Variants in CCAR2 observed in about 807,000 individuals in gnomAD.
CCAR2 encodes cell cycle and apoptosis regulator protein 2.
Under a neutral mutation model 108.1 loss-of-function variants are expected in CCAR2, and 21 were observed. That is an observed-to-expected ratio of 0.19 (90% CI 0.14 to 0.28). CCAR2 has a LOEUF of 0.28. Among genes scored for constraint, CCAR2 ranks in the 10% least tolerant of loss-of-function variants. The pLI is 1.00. For missense variants in CCAR2, 1,126 were observed against 1,177.0 expected (o/e 0.96, Z 0.63); for synonymous variants, 577 against 472.8 (o/e 1.22, Z -2.86).
Position 22,619,832 on chromosome 8 carries a change from C to T in CCAR2, c.*150C>T. 1.3e-6 allele frequency: 1 copy of T among 784,624 alleles called. No individual in the cohort carries two copies. The highest frequency in any genetic ancestry group is 1.6e-5 in the South Asian group (1 of 62,130). 48.6% of individuals were successfully genotyped at this position (784,624 alleles called of 1,614,324 possible). On this transcript the variant is annotated 3_prime_UTR_variant, in exon 21 of 21. Transcript: ENST00000308511. ...TGCTCAGCCTCTAGGGGACGGCAGG[C>T]CATCAGGCTGGGGGCTGTGCTATGT...
intron 7 of CCAR2, among the ~76,000 whole-genome samples, chr8:22,608,595 C>T (rs775807026): frequency 2.0e-5 from 3 of 152,160 alleles, no homozygotes; most frequent in Non-Finnish European, 4.4e-5. Flanking sequence ...GCAAGCATGG[C>T]TGATTTGGGC....
intron 7 of CCAR2, among the ~76,000 whole-genome samples, chr8:22,608,983 T>G (rs1217752255): frequency 6.6e-6 from 1 of 152,238 alleles, no homozygotes; most frequent in African/African-American, 2.4e-5. Flanking sequence ...CTTATGTAGA[T>G]TGAAATGCAC....
chr8:22,610,413 C>T (rs1022911432), intron 7 of CCAR2, among the ~76,000 whole-genome samples: 1 of 152,214 alleles, frequency 6.6e-6, no homozygotes, highest in Admixed American at 6.5e-5. Context: ...TCTGCTGCTG[C>T]AAGTCCTGAG....
chr8:22,619,551 G>A, intron 20 of CCAR2, 87 bp from the exon 21 acceptor site: 12 of 1,478,806 alleles, frequency 8.1e-6, no homozygotes, highest in Non-Finnish European at 1.0e-5. Flanking sequence ...TGCAGTGGGA[G>A]CTTCCCAGCA....
intron 7 of CCAR2, among the ~76,000 whole-genome samples, chr8:22,610,857 T>G (rs771642115): frequency 6.6e-6 from 1 of 152,220 alleles, no homozygotes; most frequent in African/African-American, 2.4e-5. Context: ...TCATGTGACA[T>G]GGGGGGTTTT....
chr8:22,617,781 G>A lies in CCAR2; in HGVS notation c.2073+3G>A, dbSNP rs150239673. 7.4e-6 allele frequency: 12 copies of A among 1,613,250 alleles called. No homozygotes were observed. In the African/African-American group the frequency reaches 1.5e-4, roughly 20 times the overall value. The stretch of plus-strand genomic sequence containing the variant: ...AGTTCTCTTCACTTCAGGACATGGT[G>A]AGGCCTCTTCTCGACCACTCTGGGT... On this transcript the variant is annotated splice_donor_region_variant and intron_variant, in intron 16 of 20. Coordinates refer to ENST00000308511, the MANE Select transcript of CCAR2 (RefSeq NM_001393997.1).
rs560267333 is a variant in CCAR2 at position 22,608,349 on chromosome 8, T to C, written c.584+284T>C. Among the ~76,000 whole-genome samples, 14 of 152,362 alleles carry C rather than the reference T, an allele frequency of 9.2e-5. No homozygotes were observed. The South Asian group carries it at 2.7e-3, about 29-fold the overall frequency. On this transcript the variant is annotated intron_variant, in intron 7 of 20. Coordinates refer to ENST00000308511, the MANE Select transcript of CCAR2 (RefSeq NM_001393997.1). ...CTTTCAAAATGTCATGTTGAGATAC[T>C]TCTTAAATACTCTTCTGTTTCTAGT...
At position 22,614,824 on chromosome 8, in the gene CCAR2, A is replaced by ATCTCT. The variant is rs1801433776; in HGVS notation, c.1042-10_1042-6dup. The ATCTCT allele has an allele frequency of 6.2e-7, 1 of 1,613,672 alleles. No homozygotes were observed. The highest frequency in any genetic ancestry group is 1.7e-5 in the Admixed American group (1 of 60,006). ...TGTAGTTTTTTGTTTTGTATCCCTG[A>ATCTCT]TCTCTTCTTGCAGTTTTTGCTGGGC... On this transcript the variant is annotated splice_polypyrimidine_tract_variant and intron_variant, in intron 10 of 20. Coordinates refer to ENST00000308511, the MANE Select transcript of CCAR2 (RefSeq NM_001393997.1).
intron 6 of CCAR2, 135 bp downstream of exon 6, chr8:22,607,460 G>A (rs1211079546): frequency 7.0e-6 from 4 of 574,062 alleles, no homozygotes; most frequent in Non-Finnish European, 1.1e-5. Context: ...CTGGATAGGT[G>A]TTTAGGGTTT....
intron 8 of CCAR2, 62 bp from the exon 9 acceptor site, chr8:22,614,030 T>G (rs762417033): frequency 4.2e-5 from 62 of 1,464,882 alleles, no homozygotes; most frequent in Non-Finnish European, 5.4e-5. Flanking sequence ...AAATCTTTGA[T>G]GGTTTCATTT....
intron 3 of CCAR2, 104 bp from the exon 4 acceptor site, chr8:22,606,503 A>G: frequency 2.3e-6 from 2 of 861,694 alleles, no homozygotes; most frequent in Non-Finnish European, 3.9e-6. Flanking sequence ...CTCTTGATGC[A>G]GTACGCTGAG....
intron 1 of CCAR2, 127 bp from the exon 2 acceptor site, chr8:22,605,609 C>T: frequency 3.2e-6 from 2 of 631,334 alleles, no homozygotes; most frequent in South Asian, 1.9e-5. Flanking sequence ...CCATCCATTG[C>T]TTTCATTCAT....
chr8:22,616,385 C>A, intron 14 of CCAR2, 137 bp downstream of exon 14: 2 of 773,266 alleles, frequency 2.6e-6, no homozygotes, highest in Non-Finnish European at 4.3e-6. Flanking sequence ...GGCCGCACAG[C>A]TAGTAAGTAG....
chr8:22,616,349 C>T, intron 14 of CCAR2, 101 bp downstream of exon 14: 5 of 1,078,822 alleles, frequency 4.6e-6, no homozygotes, highest in Non-Finnish European at 6.9e-6. Flanking sequence ...AGCTCATTCC[C>T]TGCACCCTTG....
In CCAR2 at chr8:22,607,197, C is replaced by T; in HGVS notation, c.359C>T (p.Pro120Leu). Reference protein sequence around the residue: ...AVKVQTLSNQPLLKSPAPPLL... With the variant: ...AVKVQTLSNQLLLKSPAPPLL... The stretch of plus-strand genomic sequence containing the variant: ...AATTTCCTGGCTCCTGTTCTGCAGC[C>T]CCTACTGAAGTCCCCAGCACCTCCT... Residue 120 changes from proline (P) to leucine (L), a missense_variant and splice_region_variant, in exon 6 of 21, where the codon CCC becomes CTC. Coordinates refer to ENST00000308511, the MANE Select transcript of CCAR2 (RefSeq NM_001393997.1). 1.2e-6 allele frequency: 2 copies of T among 1,613,924 alleles called. No individual in the cohort carries two copies. Among genetic ancestry groups the T allele is most frequent in the Non-Finnish European group, 8.5e-7 (1 of 1,179,920 alleles).
In CCAR2 at chr8:22,619,962, GCC is replaced by G; in HGVS notation, c.*282_*283del. On this transcript the variant is annotated 3_prime_UTR_variant, in exon 21 of 21. Transcript: ENST00000308511. ...CCTCAACCTTGGTATTTCTCCTGGG[GCC>G]CTTTTAGTCTTGTGCTGACTTTCTC... 2.0e-6 allele frequency: 1 copy of G among 498,406 alleles called. No individual in the cohort carries two copies. The allele number at this position is 498,406 out of a possible 1,614,324, so 30.9% of individuals were successfully genotyped here.
Position 22,613,916 on chromosome 8 carries a change from C to T in CCAR2, c.705-176C>T, listed in dbSNP as rs1362451997. 59 of 594,304 alleles carry T rather than the reference C, an allele frequency of 9.9e-5. No homozygotes were observed. The East Asian group carries it at 1.5e-3, about 15-fold the overall frequency. The allele number at this position is 594,304 out of a possible 1,614,324, so 36.8% of individuals were successfully genotyped here. ...TTTCCCTTTCCCAGTTTGACTTTTG[C>T]CATCTAGAGTTTGTAAATTAAGTGG... On this transcript the variant is annotated intron_variant, in intron 8 of 20. Coordinates refer to ENST00000308511, the MANE Select transcript of CCAR2 (RefSeq NM_001393997.1).
chr8:22,604,984 T>C, intron 1 of CCAR2, 142 bp downstream of exon 1: 1 of 316,226 alleles, frequency 3.2e-6, no homozygotes, highest in African/African-American at 2.3e-5. Flanking sequence ...AAGTCCCGTC[T>C]CCCTGGCAAC....
At chr8:22,617,619 G>GT (rs1801577090) in intron 15 of CCAR2, 55 bp downstream of exon 15, 1 of 1,611,670 alleles carries the variant, frequency 6.2e-7, no homozygotes, top group Non-Finnish European at 8.5e-7. Context: ...CTTTCCACCT[G>GT]TGGCCAAGCT....
Sources: gnomAD v4.1 joint callset for allele counts (sites outside exome capture counted in the v4.1 genomes callset) on GRCh38, gnomAD v4.1.1 for gene constraint, MANE v1.5 for transcripts, NCBI Gene and HGNC (gene_info 2026-07-23, HGNC 2026-07-21) for gene names.